WDFY4: variants seen among roughly 807,000 people sequenced by gnomAD.
WDFY4 encodes WDFY family member 4, also known as WD repeat- and FYVE domain-containing protein 4.
Under a neutral mutation model 351.9 loss-of-function variants are expected in WDFY4, and 169 were observed. The observed-to-expected ratio is 0.48, with a 90% CI of 0.42 to 0.55. The LOEUF is 0.55. Ranked by LOEUF, WDFY4 falls within the 20% of genes least tolerant of loss-of-function variation. The pLI is 0.00. For synonymous variants in WDFY4, 1,622 were observed against 1,574.6 expected (o/e 1.03, Z -0.71); for missense variants, 3,803 against 3,935.6 (o/e 0.97, Z 0.90).
intron 47 of WDFY4, among the ~76,000 whole-genome samples, chr10:48,939,506 T>C (rs1181540419): frequency 6.6e-6 from 1 of 152,208 alleles, no homozygotes; most frequent in Admixed American, 6.5e-5. Flanking sequence ...TTTCTCAGGC[T>C]GCCTCCCACG....
chr10:48,977,079 G>T, intron 59 of WDFY4, 100 bp downstream of exon 59: 1 of 1,240,306 alleles, frequency 8.1e-7, no homozygotes, highest in South Asian at 2.7e-5. Flanking sequence ...GGTTGCATTT[G>T]AGACCATTCC....
intron 56 of WDFY4, among the ~76,000 whole-genome samples, chr10:48,969,614 G>C (rs1342466425): frequency 3.3e-5 from 5 of 152,094 alleles, no homozygotes; most frequent in African/African-American, 1.2e-4. Context: ...TGAGCATTTG[G>C]GGGCTGGCAG....
intron 36 of WDFY4, 68 bp from the exon 37 acceptor site, chr10:48,828,710 G>T (rs1302657204): frequency 2.2e-6 from 2 of 921,518 alleles, no homozygotes; most frequent in Non-Finnish European, 3.2e-6. Flanking sequence ...TTGTAATAAA[G>T]AACAATAGAA....
At chr10:48,816,190 C>G (rs1196161762) in intron 31 of WDFY4, among the ~76,000 whole-genome samples, 1 of 152,152 alleles carries the variant, frequency 6.6e-6, no homozygotes, top group Non-Finnish European at 1.5e-5. Flanking sequence ...GTGATTGTTT[C>G]TCCCTTCGTA....
intron 31 of WDFY4, 80 bp from the exon 32 acceptor site, chr10:48,817,165 C>G (rs1054503977): frequency 6.8e-7 from 1 of 1,481,158 alleles, no homozygotes; most frequent in African/African-American, 1.4e-5. Flanking sequence ...GGAATCTTCT[C>G]CCTAGACCTC....
chr10:48,943,502 A>G, intron 49 of WDFY4, 53 bp downstream of exon 49: 1 of 1,532,330 alleles, frequency 6.5e-7, no homozygotes. Context: ...GGACGTTGAT[A>G]ACAGAGACCC....
chr10:48,824,264 C>T (rs376840164), intron 35 of WDFY4: 13 of 863,744 alleles, frequency 1.5e-5, no homozygotes, highest in Non-Finnish European at 1.7e-5. Context: ...GCCTCTTATC[C>T]GTACAGTGGG....
chr10:48,872,310 G>T (rs1379841303), intron 40 of WDFY4, among the ~76,000 whole-genome samples: 2 of 152,188 alleles, frequency 1.3e-5, no homozygotes, highest in African/African-American at 4.8e-5. Flanking sequence ...TAGCTCCCAT[G>T]CTCAAGGAAG....
chr10:48,808,263 T>C (rs1481513781), intron 28 of WDFY4, among the ~76,000 whole-genome samples: 1 of 152,258 alleles, frequency 6.6e-6, no homozygotes. Flanking sequence ...TGACAATTAC[T>C]GATTTTGATG....
chr10:48,971,931 GC>G (rs1167261375), intron 57 of WDFY4, among the ~76,000 whole-genome samples: 6 of 152,182 alleles, frequency 3.9e-5, no homozygotes, highest in South Asian at 4.1e-4. Flanking sequence ...TTTACAGCTT[GC>G]CCTGGGGACT....
chr10:48,793,692 T>C (rs2066757691), intron 23 of WDFY4, among the ~76,000 whole-genome samples: 1 of 152,218 alleles, frequency 6.6e-6, no homozygotes, highest in Non-Finnish European at 1.5e-5. Flanking sequence ...GGCTTGTTTA[T>C]TGCTGTACCC....
intron 47 of WDFY4, among the ~76,000 whole-genome samples, chr10:48,903,245 CAG>C (rs1564465716): frequency 6.6e-6 from 1 of 152,088 alleles, no homozygotes; most frequent in African/African-American, 2.4e-5. Context: ...AGGGAGGTCA[CAG>C]GGGATAGTTG....
chr10:48,866,222 A>G (rs142297174), intron 39 of WDFY4, among the ~76,000 whole-genome samples: 564 of 152,142 alleles, frequency 3.7e-3, no homozygotes, highest in Non-Finnish European at 5.7e-3. Flanking sequence ...ATTGGCATTT[A>G]TAACTATGAG....
intron 45 of WDFY4, 147 bp from the exon 46 acceptor site, chr10:48,900,074 T>C: frequency 1.6e-6 from 1 of 640,334 alleles, no homozygotes. Context: ...CACCAAGGTC[T>C]TCCTACCATG....
At chr10:48,831,158 T>C (rs1323150374) in intron 38 of WDFY4, among the ~76,000 whole-genome samples, 2 of 152,210 alleles carry the variant, frequency 1.3e-5, no homozygotes, top group Non-Finnish European at 2.9e-5. Flanking sequence ...GTGGAGGCTG[T>C]GGCCTGGGCT....
rs1589462298 is a variant in WDFY4 at position 48,726,150 on chromosome 10, C to T, written c.781+80C>T. 17 of 1,438,158 alleles carry T rather than the reference C, an allele frequency of 1.2e-5. No individual in the cohort carries two copies. In the East Asian group the frequency reaches 4.0e-4, roughly 34 times the overall value. The allele number at this position is 1,438,158 out of a possible 1,614,324, so 89.1% of individuals were successfully genotyped here. Reference sequence around the variant, plus strand: ...ACTCAGAGCAAAGGCTGAGGGCCCACTTTCTACAATGAGACTTGGGATGCT... The same window carrying T: ...ACTCAGAGCAAAGGCTGAGGGCCCATTTTCTACAATGAGACTTGGGATGCT... On this transcript the variant is annotated intron_variant, in intron 6 of 61. Coordinates refer to ENST00000325239, the MANE Select transcript of WDFY4 (RefSeq NM_001394531.1).
At chr10:48,707,806 C>T (rs1029079238) in intron 1 of WDFY4, among the ~76,000 whole-genome samples, 2 of 152,022 alleles carry the variant, frequency 1.3e-5, no homozygotes, top group African/African-American at 2.4e-5. Context: ...ACAGGGAATG[C>T]GAATGGAGAA....
chr10:48,871,473 CT>C (rs5784781), intron 40 of WDFY4, among the ~76,000 whole-genome samples: 1,550 of 137,042 alleles, frequency 0.011, 23 homozygotes, highest in East Asian at 0.043. Flanking sequence ...TGGCCCCCCC[CT>C]TTTTTTTTTT....
intron 60 of WDFY4, chr10:48,979,644 T>C (rs902878936): frequency 6.6e-6 from 1 of 151,538 alleles, no homozygotes; most frequent in Non-Finnish European, 1.5e-5. Flanking sequence ...GATGGATGGA[T>C]GGGTGGATGG....
Sources: allele counts gnomAD v4.1 joint callset (sites outside exome capture counted in the v4.1 genomes callset), GRCh38; gene constraint gnomAD v4.1.1; transcripts MANE v1.5; gene names NCBI Gene and HGNC (gene_info 2026-07-23, HGNC 2026-07-21).